RPS6KA5: variants seen among roughly 807,000 people sequenced by gnomAD.
The protein encoded by RPS6KA5 is ribosomal protein S6 kinase alpha-5.
Under a neutral mutation model 85.5 loss-of-function variants are expected in RPS6KA5, and 27 were observed. The observed-to-expected ratio is 0.32, with a 90% CI of 0.23 to 0.44. The LOEUF is 0.44. Among genes scored for constraint, RPS6KA5 ranks in the 20% least tolerant of loss-of-function variants. The pLI is 1.00. For missense variants in RPS6KA5, 811 were observed against 980.9 expected (o/e 0.83, Z 2.31); for synonymous variants, 334 against 348.2 (o/e 0.96, Z 0.46).
chr14:90,901,932 A>G (rs2035192583), intron 9 of RPS6KA5, among the ~76,000 whole-genome samples: 1 of 152,236 alleles, frequency 6.6e-6, no homozygotes, highest in Non-Finnish European at 1.5e-5. Flanking sequence ...CTAGAATCCC[A>G]GCACTTTGGG....
At chr14:90,951,238 C>T (rs967350689) in intron 3 of RPS6KA5, among the ~76,000 whole-genome samples, 4 of 151,988 alleles carry the variant, frequency 2.6e-5, no homozygotes, top group Non-Finnish European at 4.4e-5. Context: ...AATCCCAGCA[C>T]TTTGTGAGGC....
chr14:90,993,994 C>T (rs1298642295), intron 2 of RPS6KA5, among the ~76,000 whole-genome samples: 1 of 151,778 alleles, frequency 6.6e-6, no homozygotes, highest in South Asian at 2.1e-4. Flanking sequence ...GCTCAGACAA[C>T]CCTCTCACCT....
At chr14:90,915,986 A>G (rs2036100121) in intron 7 of RPS6KA5, among the ~76,000 whole-genome samples, 2 of 152,310 alleles carry the variant, frequency 1.3e-5, no homozygotes, top group South Asian at 2.1e-4. Context: ...AAATAGTATC[A>G]GGATATGAGA....
At chr14:90,893,894 C>G (rs879930581) in intron 13 of RPS6KA5, 4 of 573,342 alleles carry the variant, frequency 7.0e-6, no homozygotes, top group Admixed American at 6.4e-5. Flanking sequence ...ACATATAGTT[C>G]TATAAATATT....
intron 1 of RPS6KA5, among the ~76,000 whole-genome samples, chr14:91,012,723 C>A (rs879201104): frequency 6.6e-6 from 1 of 152,190 alleles, no homozygotes; most frequent in African/African-American, 2.4e-5. Context: ...ACAAGATAAA[C>A]AAAAACCAAA....
chr14:91,003,431 T>C (rs1394747350), intron 1 of RPS6KA5, among the ~76,000 whole-genome samples: 4 of 152,204 alleles, frequency 2.6e-5, no homozygotes, highest in African/African-American at 9.7e-5. Flanking sequence ...TTCACAAAGG[T>C]TGTTCAGATG....
In RPS6KA5 at chr14:90,949,852, AGGAG is replaced by A. The variant is rs1241117605; in HGVS notation, c.395-2306_395-2303del. Reference sequence around the variant, plus strand: ...TTGCGAAAAAGTAACTATAAATCTAAGGAGACATACCTAAAATATCAAGTGACCT... The same window carrying A: ...TTGCGAAAAAGTAACTATAAATCTAAACATACCTAAAATATCAAGTGACCT... On this transcript the variant is annotated intron_variant, in intron 3 of 16. Coordinates refer to ENST00000614987, the MANE Select transcript of RPS6KA5 (RefSeq NM_004755.4). Among the ~76,000 whole-genome samples the A allele has an allele frequency of 4.6e-5, 7 of 152,392 alleles. No homozygotes were observed. The East Asian group carries it at 1.2e-3, about 25-fold the overall frequency.
At chr14:91,051,600 T>C (rs1460264903) in intron 1 of RPS6KA5, among the ~76,000 whole-genome samples, 1 of 150,150 alleles carries the variant, frequency 6.7e-6, no homozygotes, top group Non-Finnish European at 1.5e-5. Context: ...GCAATTCTCC[T>C]GCCTCAGCTT....
intron 1 of RPS6KA5, among the ~76,000 whole-genome samples, chr14:91,055,729 T>C (rs896671522): frequency 6.6e-6 from 1 of 152,134 alleles, no homozygotes; most frequent in African/African-American, 2.4e-5. Flanking sequence ...TAGTGAGCCA[T>C]GATCGCACCA....
rs562192677 is a variant in RPS6KA5, at chr14:90,888,418, C to T, written c.1836+2069G>A. Among the ~76,000 whole-genome samples the T allele has an allele frequency of 6.6e-5, 10 of 152,176 alleles. No individual in the cohort carries two copies. In the South Asian group the frequency reaches 1.9e-3, roughly 28 times the overall value. ...TTAGATTAATCTTTAAGACATGCTACTAATAAAAATGTCTTCAATTTAAGT... is the reference window on the plus strand; with the variant it reads ...TTAGATTAATCTTTAAGACATGCTATTAATAAAAATGTCTTCAATTTAAGT... On this transcript the variant is annotated intron_variant, in intron 14 of 16. Coordinates refer to ENST00000614987, the MANE Select transcript of RPS6KA5 (RefSeq NM_004755.4).
At chr14:91,001,034 T>C (rs542090775) in intron 2 of RPS6KA5, 54 bp downstream of exon 2, 33 of 989,530 alleles carry the variant, frequency 3.3e-5, no homozygotes, top group African/African-American at 1.5e-4. Context: ...TCCTTCATCA[T>C]AGGAATAATA....
Position 90,901,573 on chromosome 14 carries a change from T to C in RPS6KA5, c.1120-837A>G, listed in dbSNP as rs118045717. On this transcript the variant is annotated intron_variant, in intron 9 of 16. Transcript: ENST00000614987. Reference sequence around the variant, plus strand: ...AGCTAAGTGGTACAAAGACGGATGATTAATCCGTTCAAGCTAGAACATTCA... The same window carrying C: ...AGCTAAGTGGTACAAAGACGGATGACTAATCCGTTCAAGCTAGAACATTCA... 4.1e-3 allele frequency among the ~76,000 whole-genome samples: 617 copies of C among 152,284 alleles called. 2 individuals are homozygous for C. Among genetic ancestry groups the C allele is most frequent in the Middle Eastern group, 0.017 (5 of 294 alleles).
In RPS6KA5 at chr14:90,906,135, T is replaced by C. The variant is rs2035487916; in HGVS notation, c.957+14A>G. 1 of 1,584,964 alleles carries C rather than the reference T, an allele frequency of 6.3e-7. No individual in the cohort carries two copies. The highest frequency in any genetic ancestry group is 8.6e-7 in the Non-Finnish European group (1 of 1,159,302). ...CAAGGAGTATGAAACCATTTATCTA[T>C]TCAATAATTTCACCTGAAAGAAGAG... On this transcript the variant is annotated intron_variant, in intron 8 of 16. Transcript: ENST00000614987.
At position 90,873,794 on chromosome 14, in the gene RPS6KA5, T is replaced by C. The variant is rs748487293; in HGVS notation, c.1998A>G (p.Gly666=). 1 of 1,609,582 alleles carries C rather than the reference T, an allele frequency of 6.2e-7. No individual in the cohort carries two copies. Among genetic ancestry groups the C allele is most frequent in the Non-Finnish European group, 8.5e-7 (1 of 1,178,304 alleles). Residue 666 remains glycine, a splice_region_variant and synonymous_variant, in exon 16 of 17, where the codon GGA becomes GGG. Transcript: ENST00000614987. ...VSQEAKDLIQ[G]LLTVDPNKRL... is the part of the protein sequence containing the mutation. ...TTTTGTTTGGATCTACTGTGAGAAG[T>C]CCTTTGGGAATAGATATTTTTATTT...
At chr14:90,973,023 A>G (rs1366721265) in intron 3 of RPS6KA5, among the ~76,000 whole-genome samples, 1 of 152,264 alleles carries the variant, frequency 6.6e-6, no homozygotes, top group African/African-American at 2.4e-5. Context: ...CTACTCACCT[A>G]TGAGACAGGC....
At chr14:90,874,798 C>T (rs997385836) in intron 15 of RPS6KA5, among the ~76,000 whole-genome samples, 10 of 152,290 alleles carry the variant, frequency 6.6e-5, no homozygotes, top group Admixed American at 2.0e-4. Context: ...GTGTAGAACT[C>T]TGTGACTGGC....
At chr14:90,948,419 G>A (rs10145929) in intron 3 of RPS6KA5, among the ~76,000 whole-genome samples, 2,016 of 152,250 alleles carry the variant, frequency 0.013, 55 homozygotes, top group African/African-American at 0.046. Context: ...ACACTGAGCC[G>A]GGCGCAGTGG....
chr14:91,054,465 C>T (rs1041992456), intron 1 of RPS6KA5, among the ~76,000 whole-genome samples: 13 of 151,680 alleles, frequency 8.6e-5, no homozygotes, highest in Non-Finnish European at 1.9e-4. Context: ...GGTGAAACCT[C>T]GTCTCTATTG....
At chr14:90,920,403 G>T in intron 6 of RPS6KA5, 94 bp from the exon 7 acceptor site, 4 of 900,716 alleles carry the variant, frequency 4.4e-6, no homozygotes, top group Non-Finnish European at 6.9e-6. Flanking sequence ...TTAGGAAAAT[G>T]TTTTAAAAAA....
Sources: allele counts gnomAD v4.1 joint callset (sites outside exome capture counted in the v4.1 genomes callset), GRCh38; gene constraint gnomAD v4.1.1; transcripts MANE v1.5; gene names NCBI Gene and HGNC (gene_info 2026-07-23, HGNC 2026-07-21).